The following NKX2-3 variants were observed in gnomAD, a reference collection of about 807,000 sequenced individuals.
The protein encoded by NKX2-3 is homeobox protein Nkx-2.3.
A neutral mutation model predicts 14.2 loss-of-function variants in NKX2-3; 3 were observed. The ratio of observed to expected loss-of-function variants is 0.21; its 90% confidence interval spans 0.10 to 0.55. The LOEUF is 0.55. Ranked by LOEUF, NKX2-3 falls within the 20% of genes least tolerant of loss-of-function variation. The pLI is 0.94. For missense variants in NKX2-3, 511 were observed against 514.5 expected (o/e 0.99, Z 0.06); for synonymous variants, 276 against 234.2 (o/e 1.18, Z -1.63).
At chr10:99,534,308 G>A (rs748373850) in intron 1 of NKX2-3, among the ~76,000 whole-genome samples, 18 of 152,240 alleles carry the variant, frequency 1.2e-4, no homozygotes, top group Non-Finnish European at 2.4e-4. Flanking sequence ...TATTTAAGAG[G>A]ACAGAATCAC....
At chr10:99,533,600 C>A in intron 1 of NKX2-3, 111 bp downstream of exon 1, 1 of 821,138 alleles carries the variant, frequency 1.2e-6, no homozygotes, top group South Asian at 1.8e-5. Flanking sequence ...TACCCTTTGG[C>A]TGGGGCCATG....
chr10:99,534,034 G>A (rs2033939098), intron 1 of NKX2-3, among the ~76,000 whole-genome samples: 1 of 152,200 alleles, frequency 6.6e-6, no homozygotes, highest in African/African-American at 2.4e-5. Flanking sequence ...GGAGCTCAGC[G>A]TCCTTGAACC....
rs1324072957 is a variant in NKX2-3 at position 99,535,329 on chromosome 10, G to C, written c.703G>C (p.Gly235Arg). 2.0e-5 allele frequency: 31 copies of C among 1,538,548 alleles called. No homozygotes were observed. The highest frequency in any genetic ancestry group is 2.8e-5 in the African/African-American group (2 of 72,434). ...GGCTGTCCCGGTGCTGGTGCGGGAC[G>C]GCAAGCCGTGCGTCACGCCCAGCGC... ...RVAVPVLVRD[G>R]KPCVTPSAQA... The change falls in exon 2 of 2, where the codon GGC becomes CGC. Residue 235 changes from glycine (G) to arginine (R), a missense_variant. Physicochemically the swap from Gly to Arg is moderately radical, Grantham distance 125. Coordinates refer to ENST00000344586, the MANE Select transcript of NKX2-3 (RefSeq NM_145285.3).
chr10:99,535,836 T>G lies in NKX2-3; in HGVS notation c.*115T>G. ...CCCTCGTTAAAAAAATATGTACGTC[T>G]AGCTCCTCAGGGCTTCGGATCGCAG... On this transcript the variant is annotated 3_prime_UTR_variant, in exon 2 of 2. Transcript: ENST00000344586. 5 of 1,180,552 alleles carry G rather than the reference T, an allele frequency of 4.2e-6. No individual in the cohort carries two copies. Among genetic ancestry groups the G allele is most frequent in the Non-Finnish European group, 5.7e-6 (5 of 879,552 alleles). The allele number at this position is 1,180,552 out of a possible 1,614,324, so 73.1% of individuals were successfully genotyped here.
At chr10:99,533,520 C>T in intron 1 of NKX2-3, 31 bp downstream of exon 1, 1 of 1,475,026 alleles carries the variant, frequency 6.8e-7, no homozygotes, top group Non-Finnish European at 9.2e-7. Flanking sequence ...AACGCACCCG[C>T]ACACCTGGAG....
In NKX2-3 at chr10:99,535,597, C is replaced by T. The variant is rs1181835938; in HGVS notation, c.971C>T (p.Pro324Leu). 2 of 1,511,460 alleles carry T rather than the reference C, an allele frequency of 1.3e-6. No homozygotes were observed. Among genetic ancestry groups the T allele is most frequent in the Non-Finnish European group, 1.8e-6 (2 of 1,134,928 alleles). The allele number at this position is 1,511,460 out of a possible 1,614,324, so 93.6% of individuals were successfully genotyped here. ...GCCTGCAGCGCGGCCGGAGGCGGCC[C>T]CTTTGTGAACGTGAGCAACCTAGGA... The part of the protein sequence containing the change: ...QPACSAAGGG[P>L]FVNVSNLGGF... Residue 324 changes from proline to leucine, a missense_variant, in exon 2 of 2, where the codon CCC (proline) becomes CTC (leucine). Transcript: ENST00000344586.
In NKX2-3 at chr10:99,533,356, A is replaced by T; in HGVS notation, c.225A>T (p.Ser75=). The T allele has an allele frequency of 6.2e-7, 1 of 1,611,186 alleles. No individual in the cohort carries two copies. Among genetic ancestry groups the T allele is most frequent in the Non-Finnish European group, 8.5e-7 (1 of 1,179,138 alleles). ...DEGEKLSYLN[S]LAAADGHGDS... is the part of the protein sequence containing the mutation. ...GCGAGAAATTGTCCTATTTGAACTCACTAGCCGCAGCAGACGGCCACGGGG... is the reference window on the plus strand; with the variant it reads ...GCGAGAAATTGTCCTATTTGAACTCTCTAGCCGCAGCAGACGGCCACGGGG... The change falls in exon 1 of 2, where the codon TCA becomes TCT. Residue 75 remains serine, a synonymous_variant. Transcript: ENST00000344586.
chr10:99,534,440 TGCACA>T (rs1488159775), intron 1 of NKX2-3, among the ~76,000 whole-genome samples: 1 of 152,212 alleles, frequency 6.6e-6, no homozygotes, highest in Non-Finnish European at 1.5e-5. Context: ...ATTTTCAAAG[TGCACA>T]CAGATGTCGT....
At chr10:99,534,609 A>G (rs895003864) in intron 1 of NKX2-3, among the ~76,000 whole-genome samples, 1 of 152,220 alleles carries the variant, frequency 6.6e-6, no homozygotes, top group Admixed American at 6.5e-5. Context: ...TCCTTGGTGG[A>G]GTAGAATGCA....
At position 99,535,104 on chromosome 10, in the gene NKX2-3, G is replaced by C. The variant is rs1030658182; in HGVS notation, c.478G>C (p.Val160Leu). 1 of 1,610,944 alleles carries C rather than the reference G, an allele frequency of 6.2e-7. No individual in the cohort carries two copies. Among genetic ancestry groups the C allele is most frequent in the Admixed American group, 1.7e-5 (1 of 59,684 alleles). Residue 160 changes from valine (V) to leucine (L), a missense_variant, in exon 2 of 2, where the codon GTC becomes CTC. Physicochemically the swap from Val to Leu is conservative, Grantham distance 32. Coordinates refer to ENST00000344586, the MANE Select transcript of NKX2-3 (RefSeq NM_145285.3). ...CCGGGTCCTCTTCTCGCAAGCCCAGGTCTTCGAGCTGGAACGCAGGTTCAA... is the reference window on the plus strand; with the variant it reads ...CCGGGTCCTCTTCTCGCAAGCCCAGCTCTTCGAGCTGGAACGCAGGTTCAA... ...KPRVLFSQAQ[V>L]FELERRFKQQ...
chr10:99,533,503 G>A lies in NKX2-3; in HGVS notation c.358+14G>A, dbSNP rs772458422. ...ACCGGAGCCAAAGTGAGTAGAGGGG[G>A]AAAGAAAACGCACCCGCACACCTGG... is the stretch of plus-strand genomic sequence containing the variant. On this transcript the variant is annotated intron_variant, in intron 1 of 1. Transcript: ENST00000344586. 6 of 1,534,896 alleles carry A rather than the reference G, an allele frequency of 3.9e-6. No homozygotes were observed. The highest frequency in any genetic ancestry group is 3.6e-5 in the South Asian group (3 of 84,484).
At position 99,534,969 on chromosome 10, in the gene NKX2-3, T is replaced by C; in HGVS notation, c.359-16T>C. On this transcript the variant is annotated splice_polypyrimidine_tract_variant and intron_variant, in intron 1 of 1. Coordinates refer to ENST00000344586, the MANE Select transcript of NKX2-3 (RefSeq NM_145285.3). ...CCGGGAACAGCTAAGGACGCTGTTGTTTGCTTCTTCCGCAGAAAGCTGCCA... is the reference window on the plus strand; with the variant it reads ...CCGGGAACAGCTAAGGACGCTGTTGCTTGCTTCTTCCGCAGAAAGCTGCCA... 6.3e-7 allele frequency: 1 copy of C among 1,577,676 alleles called. No homozygotes were observed. The highest frequency in any genetic ancestry group is 8.6e-7 in the Non-Finnish European group (1 of 1,161,294).
In NKX2-3 at chr10:99,533,086, C is replaced by T. The variant is rs760605961; in HGVS notation, c.-46C>T. ...CTGGAGCCGCCGCGCTGCCTCCCCGCCCCCGCCGGGATTTATTATTTGGAC... is the reference window on the plus strand; with the variant it reads ...CTGGAGCCGCCGCGCTGCCTCCCCGTCCCCGCCGGGATTTATTATTTGGAC... On this transcript the variant is annotated 5_prime_UTR_variant, in exon 1 of 2. Transcript: ENST00000344586. 1.6e-5 allele frequency: 22 copies of T among 1,413,558 alleles called. No individual in the cohort carries two copies. In the Middle Eastern group the frequency reaches 5.6e-4, roughly 36 times the overall value. The allele number at this position is 1,413,558 out of a possible 1,614,324, so 87.6% of individuals were successfully genotyped here.
Position 99,535,915 on chromosome 10 carries a change from G to A in NKX2-3, c.*194G>A. On this transcript the variant is annotated 3_prime_UTR_variant, in exon 2 of 2. Coordinates refer to ENST00000344586, the MANE Select transcript of NKX2-3 (RefSeq NM_145285.3). ...AGGGGCGAGGAGGATGACTGGGTCC[G>A]GTCGCCAGGACTGTCTCTGAGGCAG... 1.5e-6 allele frequency: 1 copy of A among 654,562 alleles called. No individual in the cohort carries two copies. Among genetic ancestry groups the A allele is most frequent in the East Asian group, 3.3e-5 (1 of 30,082 alleles). 40.5% of individuals were successfully genotyped at this position (654,562 alleles called of 1,614,324 possible).
chr10:99,534,522 G>T (rs1049437398), intron 1 of NKX2-3, among the ~76,000 whole-genome samples: 4 of 152,194 alleles, frequency 2.6e-5, no homozygotes, highest in African/African-American at 7.2e-5. Context: ...ATGCACAAGC[G>T]TTACACTCAG....
In NKX2-3 at chr10:99,535,351, G is replaced by A. The variant is rs2033956446; in HGVS notation, c.725G>A (p.Ser242Asn). Residue 242 changes from serine to asparagine, a missense_variant, in exon 2 of 2, where the codon AGC (serine) becomes AAC (asparagine). Ser to Asn is a conservative substitution (Grantham distance 46, BLOSUM62 1). Around this residue, in one of 3 missense-constraint regions of NKX2-3, gnomAD observed 264 missense variants for 254.7 expected, o/e 1.04. Transcript: ENST00000344586. ...GACGGCAAGCCGTGCGTCACGCCCA[G>A]CGCGCAGGCCTACGGCGCGCCCTAC... ...VRDGKPCVTP[S>N]AQAYGAPYSV... The A allele has an allele frequency of 6.6e-7, 1 of 1,506,296 alleles. No individual in the cohort carries two copies. Among genetic ancestry groups the A allele is most frequent in the Non-Finnish European group, 8.8e-7 (1 of 1,131,892 alleles). 93.3% of individuals were successfully genotyped at this position (1,506,296 alleles called of 1,614,324 possible). A position where few individuals can be genotyped will look rare whatever the true frequency, so the allele number is the denominator to read the frequency against.
rs777337154 is a variant in NKX2-3 at position 99,535,120 on chromosome 10, G to T, written c.494G>T (p.Arg165Leu). 6.2e-7 allele frequency: 1 copy of T among 1,612,232 alleles called. No homozygotes were observed. Among genetic ancestry groups the T allele is most frequent in the African/African-American group, 1.3e-5 (1 of 75,040 alleles). ...FSQAQVFELE[R>L]RFKQQRYLSA... ...CAAGCCCAGGTCTTCGAGCTGGAAC[G>T]CAGGTTCAAGCAGCAGCGGTACCTG... The change falls in exon 2 of 2, where the codon CGC becomes CTC. Residue 165 changes from arginine (R) to leucine (L), a missense_variant. This residue lies in a region of NKX2-3 where 243 missense variants were observed against 242.3 expected (regional missense o/e 1.00). Transcript: ENST00000344586.
rs1360593925 is a variant in NKX2-3, at chr10:99,535,068, C to A, written c.442C>A (p.Arg148Ser). The change falls in exon 2 of 2, where the codon CGC becomes AGC. Residue 148 changes from arginine to serine, a missense_variant. Physicochemically the swap from Arg to Ser is moderately radical, Grantham distance 110. This residue lies in a region of NKX2-3 where 243 missense variants were observed against 242.3 expected (regional missense o/e 1.00). Transcript: ENST00000344586. ...EESERPKPRS[R>S]RKPRVLFSQA... The stretch of plus-strand genomic sequence containing the variant: ...GAGCGAGAGGCCGAAGCCACGCAGC[C>A]GCCGGAAGCCCCGGGTCCTCTTCTC... The A allele has an allele frequency of 3.7e-6, 6 of 1,606,368 alleles. No individual in the cohort carries two copies. The highest frequency in any genetic ancestry group is 4.2e-6 in the Non-Finnish European group (5 of 1,176,876).
Position 99,533,306 on chromosome 10 carries a change from G to A in NKX2-3, c.175G>A (p.Gly59Arg), listed in dbSNP as rs1192024901. Residue 59 changes from glycine to arginine, a missense_variant, in exon 1 of 2, where the codon GGG becomes AGG. By Grantham distance (125) the Gly-to-Arg change is moderately radical (BLOSUM62 -2). Transcript: ENST00000344586. ...AAEGTQFSDG[G>R]EEDEEDEGEK... ...TGAGGGGACGCAATTTTCTGACGGA[G>A]GGGAGGAGGACGAGGAAGACGAGGG... 9 of 1,613,612 alleles carry A rather than the reference G, an allele frequency of 5.6e-6. No individual in the cohort carries two copies. Among genetic ancestry groups the A allele is most frequent in the Admixed American group, 3.3e-5 (2 of 59,958 alleles).
Sources: allele counts gnomAD v4.1 joint callset (sites outside exome capture counted in the v4.1 genomes callset), GRCh38; gene constraint gnomAD v4.1.1; regional missense constraint gnomAD v4.1.1; transcripts MANE v1.5; gene names NCBI Gene and HGNC (gene_info 2026-07-23, HGNC 2026-07-21).